SLC22A3: variants seen among roughly 807,000 people sequenced by gnomAD.
SLC22A3 encodes the protein solute carrier family 22 member 3.
Under a neutral mutation model 59.1 loss-of-function variants are expected in SLC22A3, and 51 were observed. The observed-to-expected ratio is 0.86, with a 90% CI of 0.69 to 1.09. SLC22A3 has a LOEUF of 1.09. SLC22A3 is among the 50% of genes least tolerant of loss of function. SLC22A3 has a pLI of 0.00. For missense variants in SLC22A3, 711 were observed against 726.3 expected (o/e 0.98, Z 0.24); for synonymous variants, 325 against 292.0 (o/e 1.11, Z -1.15).
chr6:160,389,527 T>C (rs1786163973), intron 1 of SLC22A3, among the ~76,000 whole-genome samples: 2 of 152,176 alleles, frequency 1.3e-5, no homozygotes, highest in Admixed American at 6.5e-5. Flanking sequence ...GTAAGGGGTG[T>C]CAGGCAACTG....
intron 1 of SLC22A3, among the ~76,000 whole-genome samples, chr6:160,382,331 A>G (rs1785827103): frequency 1.3e-5 from 2 of 152,226 alleles, no homozygotes; most frequent in South Asian, 4.1e-4. Context: ...GATGAACCCC[A>G]AAATCTGAAT....
intron 4 of SLC22A3, 126 bp downstream of exon 4, chr6:160,409,047 T>C (rs1486046932): frequency 1.3e-6 from 1 of 757,984 alleles, no homozygotes; most frequent in Non-Finnish European, 2.0e-6. Flanking sequence ...ATACTCTAAG[T>C]TTTAGGGTAC....
rs186620965 is a variant in SLC22A3, at chr6:160,415,234, T to C, written c.975+4388T>C. Among the ~76,000 whole-genome samples the C allele has an allele frequency of 2.2e-4, 33 of 152,290 alleles. No homozygotes were observed. The highest frequency in any genetic ancestry group is 2.6e-4 in the Non-Finnish European group (18 of 68,020). On this transcript the variant is annotated intron_variant, in intron 5 of 10. Coordinates refer to ENST00000275300, the MANE Select transcript of SLC22A3 (RefSeq NM_021977.4). This position sits in a 1 kb window ranked among gnomAD's most constrained non-coding sequence, Gnocchi z 4.1. ...GCCACATTATGGGCCACGTCATAGT[T>C]TTCCATCTCAAAGGTCCTTATGTCC...
chr6:160,441,322 A>G (rs1452288270), intron 7 of SLC22A3, among the ~76,000 whole-genome samples: 1 of 152,140 alleles, frequency 6.6e-6, no homozygotes, highest in African/African-American at 2.4e-5. Context: ...GTCTTCATAA[A>G]GAAGCAAAGC....
chr6:160,401,356 C>T (rs1487512492), intron 2 of SLC22A3, among the ~76,000 whole-genome samples: 65 of 151,968 alleles, frequency 4.3e-4, no homozygotes, highest in Non-Finnish European at 1.3e-4. Flanking sequence ...AAAAATTACA[C>T]CCTACTTCTT....
At chr6:160,371,869 C>T (rs1322856842) in intron 1 of SLC22A3, among the ~76,000 whole-genome samples, 1 of 152,200 alleles carries the variant, frequency 6.6e-6, no homozygotes, top group African/African-American at 2.4e-5. Flanking sequence ...GATTGCCATT[C>T]TAACTGGCTT....
chr6:160,349,134 C>A, intron 1 of SLC22A3: 2 of 911,952 alleles, frequency 2.2e-6, no homozygotes, highest in Non-Finnish European at 2.6e-6. Flanking sequence ...AAACGCCTGG[C>A]GCACGCCTGC....
intron 1 of SLC22A3, among the ~76,000 whole-genome samples, chr6:160,355,440 G>A (rs977932376): frequency 9.2e-5 from 14 of 152,232 alleles, no homozygotes; most frequent in South Asian, 8.3e-4. Context: ...TCTTGTGTGC[G>A]CTGTTTCCTT....
At chr6:160,407,713 T>G (rs2114853269) in intron 3 of SLC22A3, among the ~76,000 whole-genome samples, 1 of 152,266 alleles carries the variant, frequency 6.6e-6, no homozygotes, top group South Asian at 2.1e-4. Flanking sequence ...AGCCAGAAAG[T>G]TTGACCTTCT....
At chr6:160,402,694 C>G (rs2504937) in intron 2 of SLC22A3, among the ~76,000 whole-genome samples, 48,319 of 151,462 alleles carry the variant, frequency 0.32, 8,004 homozygotes, top group East Asian at 0.43. Flanking sequence ...ATTATACAAT[C>G]TCTGCTCCCA....
chr6:160,348,667 C>T lies in SLC22A3; in HGVS notation c.248C>T (p.Pro83Leu). ...RTAPASRGPE[P>L]PERRGRCQRY... is the part of the protein sequence containing the mutation. Reference sequence around the variant, plus strand: ...GCGCCCGCCTCCCGCGGCCCAGAGCCCCCCGAGCGCCGCGGCCGCTGCCAG... The same window carrying T: ...GCGCCCGCCTCCCGCGGCCCAGAGCTCCCCGAGCGCCGCGGCCGCTGCCAG... The change falls in exon 1 of 11, where the codon CCC becomes CTC. Residue 83 changes from proline to leucine, a missense_variant. By Grantham distance (98) the Pro-to-Leu change is moderately conservative. Transcript: ENST00000275300. 1 of 1,506,974 alleles carries T rather than the reference C, an allele frequency of 6.6e-7. No individual in the cohort carries two copies. Among genetic ancestry groups the T allele is most frequent in the South Asian group, 1.2e-5 (1 of 81,008 alleles). 93.4% of individuals were successfully genotyped at this position (1,506,974 alleles called of 1,614,324 possible). A position where few individuals can be genotyped will look rare whatever the true frequency, so the allele number is the denominator to read the frequency against.
At chr6:160,443,229 A>G (rs535008249) in intron 8 of SLC22A3, among the ~76,000 whole-genome samples, 2 of 152,354 alleles carry the variant, frequency 1.3e-5, no homozygotes, top group South Asian at 2.1e-4. Context: ...ACTGCATTAC[A>G]TGCATTGCAG....
intron 1 of SLC22A3, among the ~76,000 whole-genome samples, chr6:160,392,466 T>C (rs1170871875): frequency 6.6e-6 from 1 of 152,226 alleles, no homozygotes; most frequent in Non-Finnish European, 1.5e-5. Flanking sequence ...CCAAACTATA[T>C]AACAAGTACC....
chr6:160,438,297 G>A (rs73592933), intron 7 of SLC22A3, among the ~76,000 whole-genome samples: 345 of 152,188 alleles, frequency 2.3e-3, no homozygotes, highest in African/African-American at 7.7e-3. Context: ...ACATCCCAGG[G>A]GATGTGTGAA....
chr6:160,387,213 C>G (rs907329072), intron 1 of SLC22A3, among the ~76,000 whole-genome samples: 1 of 152,172 alleles, frequency 6.6e-6, no homozygotes, highest in Non-Finnish European at 1.5e-5. Context: ...ATAAACAGGC[C>G]CAGCCCAACT....
At chr6:160,420,277 C>G (rs1787673179) in intron 5 of SLC22A3, among the ~76,000 whole-genome samples, 1 of 152,178 alleles carries the variant, frequency 6.6e-6, no homozygotes. Flanking sequence ...GCTAGGCAGA[C>G]TTGTGGGATG....
intron 1 of SLC22A3, among the ~76,000 whole-genome samples, chr6:160,358,426 G>A (rs941434486): frequency 3.3e-5 from 5 of 152,202 alleles, no homozygotes; most frequent in Admixed American, 3.3e-4. Context: ...TCAGGCAAAT[G>A]GCAAGCCCCT....
intron 5 of SLC22A3, among the ~76,000 whole-genome samples, chr6:160,418,518 A>G (rs1236595084): frequency 6.6e-6 from 1 of 152,168 alleles, no homozygotes; most frequent in African/African-American, 2.4e-5. Flanking sequence ...ACTCCCTTTC[A>G]TAGATATGTA....
chr6:160,451,048 C>A lies in SLC22A3; in HGVS notation c.1663C>A (p.His555Asn). Residue 555 changes from histidine to asparagine, a missense_variant, in exon 11 of 11, where the codon CAC becomes AAC. By Grantham distance (68) the His-to-Asn change is moderately conservative. Coordinates refer to ENST00000275300, the MANE Select transcript of SLC22A3 (RefSeq NM_021977.4). ...RNKKTPVSRS[H>N]L Reference sequence around the variant, plus strand: ...TAAGAAAACCCCAGTTTCCCGCTCTCACCTTTGAGGCCCCCGACAAAGACA... The same window carrying A: ...TAAGAAAACCCCAGTTTCCCGCTCTAACCTTTGAGGCCCCCGACAAAGACA... 6.3e-7 allele frequency: 1 copy of A among 1,592,998 alleles called. No homozygotes were observed. Among genetic ancestry groups the A allele is most frequent in the Admixed American group, 1.7e-5 (1 of 58,984 alleles).
Sources: gnomAD v4.1 joint callset for allele counts (sites outside exome capture counted in the v4.1 genomes callset) on GRCh38, gnomAD v4.1.1 for gene constraint, Gnocchi (gnomAD v3.1) non-coding constraint, MANE v1.5 for transcripts, NCBI Gene and HGNC (gene_info 2026-07-23, HGNC 2026-07-21) for gene names.